The following TBC1D30 variants were observed in gnomAD, a reference collection of about 807,000 sequenced individuals.
TBC1D30 encodes TBC1 domain family member 30.
A neutral mutation model predicts 63.2 loss-of-function variants in TBC1D30; 31 were observed. The ratio of observed to expected loss-of-function variants is 0.49; its 90% CI spans 0.37 to 0.66. The LOEUF is 0.66. Among genes scored for constraint, TBC1D30 ranks in the 30% least tolerant of loss-of-function variants. The pLI, the probability that TBC1D30 is intolerant of heterozygous loss-of-function variation, is 0.00. For missense variants in TBC1D30, 810 were observed against 953.6 expected (o/e 0.85, Z 1.98); for synonymous variants, 307 against 361.5 (o/e 0.85, Z 1.71).
intron 9 of TBC1D30, 68 bp downstream of exon 9, chr12:64,864,848 T>A: frequency 9.0e-7 from 1 of 1,114,096 alleles, no homozygotes; most frequent in South Asian, 1.5e-5. Context: ...TTATTGTAAA[T>A]TAATATTTAT....
Position 64,824,726 on chromosome 12 carries a change from T to C in TBC1D30, c.-154T>C. 9.2e-7 allele frequency: 1 copy of C among 1,084,154 alleles called. No individual in the cohort carries two copies. 67.2% of individuals were successfully genotyped at this position (1,084,154 alleles called of 1,614,324 possible). A position where few individuals can be genotyped will look rare whatever the true frequency, so the allele number is the denominator to read the frequency against. On this transcript the variant is annotated 5_prime_UTR_variant, in exon 1 of 12. Coordinates refer to ENST00000539867, the MANE Select transcript of TBC1D30 (RefSeq NM_015279.2). ...TCCCGCGGTGCCCCGTAAGTCCCCG[T>C]GACCCTCCAGCACCAGCCGGCTGTG...
At chr12:64,855,621 A>G (rs1012405680) in intron 8 of TBC1D30, among the ~76,000 whole-genome samples, 1 of 152,130 alleles carries the variant, frequency 6.6e-6, no homozygotes, top group African/African-American at 2.4e-5. Context: ...ACTCTGATGC[A>G]TTGTTCAGCG....
Position 64,875,083 on chromosome 12 carries a change from G to A in TBC1D30, c.1581G>A (p.Met527Ile). Reference protein sequence around the residue: ...VINHLLLGKKMKMTNRAAKNA... With the variant: ...VINHLLLGKKIKMTNRAAKNA... The stretch of plus-strand genomic sequence containing the variant: ...ACCACCTTCTTTTAGGAAAGAAGAT[G>A]AAAATGACTAACAGAGCTGCCAAGA... The change falls in exon 12 of 12, where the codon ATG becomes ATA. Residue 527 changes from methionine to isoleucine, a missense_variant. By Grantham distance (10) the Met-to-Ile change is conservative. Transcript: ENST00000539867. 1 of 1,536,592 alleles carries A rather than the reference G, an allele frequency of 6.5e-7. No homozygotes were observed. Among genetic ancestry groups the A allele is most frequent in the South Asian group, 1.2e-5 (1 of 84,062 alleles).
intron 1 of TBC1D30, among the ~76,000 whole-genome samples, chr12:64,826,016 G>A (rs34941184): frequency 1.5e-3 from 227 of 152,258 alleles, no homozygotes; most frequent in Non-Finnish European, 2.6e-3. Context: ...TTCTCCCCTA[G>A]GAAGTGTCTA....
At chr12:64,862,347 G>C (rs569324798) in intron 8 of TBC1D30, among the ~76,000 whole-genome samples, 1 of 152,308 alleles carries the variant, frequency 6.6e-6, no homozygotes, top group South Asian at 2.1e-4. Context: ...AAACAACTTT[G>C]TTTCAGGAAT....
intron 2 of TBC1D30, among the ~76,000 whole-genome samples, chr12:64,812,424 T>C (rs1014471959): frequency 2.6e-5 from 4 of 152,220 alleles, no homozygotes; most frequent in South Asian, 2.1e-4. Context: ...AATATAGTCC[T>C]GGCAAATCAA....
chr12:64,780,841 G>A, exon 1 of TBC1D30: 2 of 998,046 alleles, frequency 2.0e-6, no homozygotes, highest in South Asian at 7.8e-5. Flanking sequence ...GGGGCCGCCC[G>A]GGGCTCCGGA....
chr12:64,853,156 G>A (rs367563939), intron 8 of TBC1D30, among the ~76,000 whole-genome samples: 1 of 152,168 alleles, frequency 6.6e-6, no homozygotes, highest in East Asian at 1.9e-4. Flanking sequence ...CCCTGACTGG[G>A]GCTGCTGCCT....
chr12:64,861,956 A>C (rs1035152327), intron 8 of TBC1D30, among the ~76,000 whole-genome samples: 1 of 152,176 alleles, frequency 6.6e-6, no homozygotes, highest in African/African-American at 2.4e-5. Flanking sequence ...ATCATGTTTG[A>C]TGAATTAAAT....
At chr12:64,768,344 T>C (rs1201342625) in intron 1 of TBC1D30, 1 of 151,446 alleles carries the variant, frequency 6.6e-6, no homozygotes, top group East Asian at 1.9e-4. Flanking sequence ...AATTCAATTG[T>C]TTTTTCTTTT....
intron 1 of TBC1D30, 98 bp from the exon 2 acceptor site, chr12:64,827,737 A>G (rs570506504): frequency 4.6e-6 from 4 of 874,404 alleles, no homozygotes; most frequent in Non-Finnish European, 3.4e-6. Context: ...TTTAAAAAAA[A>G]TTGTGATGAT....
chr12:64,828,877 G>A (rs1487570348), intron 3 of TBC1D30, among the ~76,000 whole-genome samples: 1 of 152,184 alleles, frequency 6.6e-6, no homozygotes, highest in Non-Finnish European at 1.5e-5. Flanking sequence ...TGACATTCGA[G>A]TAGGCCCCTG....
Position 64,867,689 on chromosome 12 carries a change from A to G in TBC1D30, c.1291+786A>G, listed in dbSNP as rs1207319077. On this transcript the variant is annotated intron_variant, in intron 10 of 11. Coordinates refer to ENST00000539867, the MANE Select transcript of TBC1D30 (RefSeq NM_015279.2). The stretch of plus-strand genomic sequence containing the variant: ...ACTCCATCTGAGTTTAATTTATTCC[A>G]GACTGGCTTCTCTTCCAATAGGATT... Among the ~76,000 whole-genome samples, 5 of 152,150 alleles carry G rather than the reference A, an allele frequency of 3.3e-5. 1 individual carries two copies. The South Asian group carries it at 8.3e-4, about 25-fold the overall frequency.
chr12:64,832,372 C>A (rs1387205723), intron 5 of TBC1D30, 68 bp downstream of exon 5: 7 of 1,437,336 alleles, frequency 4.9e-6, no homozygotes, highest in Non-Finnish European at 3.7e-6. Context: ...ACCATAATTT[C>A]TCTTCCTTGA....
chr12:64,823,682 G>T (rs899523411), upstream of TBC1D30, among the ~76,000 whole-genome samples: 11 of 152,206 alleles, frequency 7.2e-5, no homozygotes, highest in African/African-American at 2.2e-4. Flanking sequence ...AAGAGATGGG[G>T]TCTCGCTATG....
chr12:64,824,092 A>G (rs1268456196), upstream of TBC1D30, among the ~76,000 whole-genome samples: 4 of 144,892 alleles, frequency 2.8e-5, no homozygotes, highest in Admixed American at 1.4e-4. Flanking sequence ...TTTAAACCAT[A>G]ATGATGGGCA....
chr12:64,818,817 A>C (rs1420600641), intron 2 of TBC1D30: 1 of 152,184 alleles, frequency 6.6e-6, no homozygotes. Context: ...TGCCTTTCCC[A>C]CAGCATCTGA....
chr12:64,820,079 G>T (rs1467011658), upstream of TBC1D30, among the ~76,000 whole-genome samples: 1 of 152,158 alleles, frequency 6.6e-6, no homozygotes, highest in Non-Finnish European at 1.5e-5. Context: ...CTCATAGCAG[G>T]CTTCCAGGGC....
chr12:64,789,301 C>T (rs1871789276), intron 2 of TBC1D30, among the ~76,000 whole-genome samples: 1 of 151,240 alleles, frequency 6.6e-6, no homozygotes, highest in African/African-American at 2.4e-5. Context: ...CCTCTTACCT[C>T]ATCCTCCCGA....
Sources: allele counts gnomAD v4.1 joint callset (sites outside exome capture counted in the v4.1 genomes callset), GRCh38; gene constraint gnomAD v4.1.1; transcripts MANE v1.5; gene names NCBI Gene and HGNC (gene_info 2026-07-23, HGNC 2026-07-21).